Variants in COMMD10 observed in about 807,000 individuals in gnomAD.
The protein encoded by COMMD10 is COMM domain-containing protein 10.
Under a neutral mutation model 28.9 loss-of-function variants are expected in COMMD10, and 33 were observed. That is an observed-to-expected ratio of 1.14 (90% CI 0.87 to 1.53). The LOEUF (loss-of-function observed/expected upper bound fraction) is 1.53, where lower values mean the gene tolerates loss of function less well. Among genes scored for constraint, COMMD10 ranks in the 40% most tolerant of loss-of-function variants. The pLI is 0.00. For synonymous variants in COMMD10, 110 were observed against 81.7 expected (o/e 1.35, Z -1.87); for missense variants, 310 against 233.4 (o/e 1.33, Z -2.14).
intron 4 of COMMD10, among the ~76,000 whole-genome samples, chr5:116,104,083 A>T (rs1035870464): frequency 2.0e-5 from 3 of 152,214 alleles, no homozygotes; most frequent in African/African-American, 7.2e-5. Context: ...AGGTAGCATG[A>T]TGCCTCCAGC....
chr5:116,197,629 C>T (rs930558686), intron 5 of COMMD10, among the ~76,000 whole-genome samples: 1 of 152,044 alleles, frequency 6.6e-6, no homozygotes, highest in African/African-American at 2.4e-5. Context: ...TGATCCATCC[C>T]CCTCGGCCTC....
At chr5:116,171,744 T>C (rs1252449948) in intron 5 of COMMD10, among the ~76,000 whole-genome samples, 5 of 152,076 alleles carry the variant, frequency 3.3e-5, no homozygotes, top group African/African-American at 1.2e-4. Context: ...AACCAAAGAC[T>C]GCATGCTCTC....
intron 5 of COMMD10, among the ~76,000 whole-genome samples, chr5:116,134,646 G>A (rs774069506): frequency 2.6e-5 from 4 of 151,930 alleles, no homozygotes; most frequent in Admixed American, 6.6e-5. Context: ...TTTTTGAGAC[G>A]GTGTCTTGCT....
intron 5 of COMMD10, among the ~76,000 whole-genome samples, chr5:116,246,658 A>G (rs549979707): frequency 1.7e-3 from 263 of 152,284 alleles, no homozygotes; most frequent in African/African-American, 5.9e-3. Context: ...CTAATGGAAC[A>G]GAATAGAGAA....
Position 116,203,229 on chromosome 5 carries a change from A to T in COMMD10, c.510+69051A>T, listed in dbSNP as rs1405848626. 2.0e-5 allele frequency among the ~76,000 whole-genome samples: 3 copies of T among 152,176 alleles called. No individual in the cohort carries two copies. In the South Asian group the frequency reaches 6.2e-4, roughly 32 times the overall value. ...GAAACGCAGAAAACCTCCAAGAAAT[A>T]TGGGACTATGTGAAAAGACCAAATC... On this transcript the variant is annotated intron_variant, in intron 5 of 6. Transcript: ENST00000274458.
chr5:116,087,419 A>T lies in COMMD10; in HGVS notation c.42-78A>T, dbSNP rs1275094680. 4.6e-6 allele frequency: 4 copies of T among 861,268 alleles called. No homozygotes were observed. In the East Asian group the frequency reaches 9.7e-5, roughly 21 times the overall value. 53.4% of individuals were successfully genotyped at this position (861,268 alleles called of 1,614,324 possible). On this transcript the variant is annotated intron_variant, in intron 1 of 6. Transcript: ENST00000274458. ...ATAGCATTCAGAGTTGTTGGAATGA[A>T]AACTTATAGACAACTATAGAAAGTG...
chr5:116,110,822 A>G (rs536117433), intron 4 of COMMD10, among the ~76,000 whole-genome samples: 17 of 148,546 alleles, frequency 1.1e-4, no homozygotes, highest in African/African-American at 4.5e-4. Flanking sequence ...GGTGCTACAC[A>G]CTTTTAAACC....
intron 2 of COMMD10, 56 bp downstream of exon 2, chr5:116,087,643 T>C (rs1750151336): frequency 8.0e-7 from 1 of 1,243,586 alleles, no homozygotes; most frequent in South Asian, 1.2e-5. Context: ...TAATTGAAAG[T>C]CTGATTATTT....
At chr5:116,280,855 C>T (rs1751050463) in intron 5 of COMMD10, among the ~76,000 whole-genome samples, 1 of 151,670 alleles carries the variant, frequency 6.6e-6, no homozygotes, top group Non-Finnish European at 1.5e-5. Context: ...ATAAATGGTG[C>T]CTAATGAGTT....
Position 116,158,970 on chromosome 5 carries a change from C to T in COMMD10, c.510+24792C>T, listed in dbSNP as rs190228616. ...CACAGGGACTAGAGGGTCTAGGTCA[C>T]CATGTTCATTAATGTAGTCCAGGAA... On this transcript the variant is annotated intron_variant, in intron 5 of 6. Coordinates refer to ENST00000274458, the MANE Select transcript of COMMD10 (RefSeq NM_016144.4). Among the ~76,000 whole-genome samples the T allele has an allele frequency of 9.9e-5, 15 of 152,090 alleles. No individual in the cohort carries two copies. The East Asian group carries it at 2.9e-3, about 30-fold the overall frequency.
At chr5:116,244,039 A>T (rs1322349908) in intron 5 of COMMD10, among the ~76,000 whole-genome samples, 1 of 152,168 alleles carries the variant, frequency 6.6e-6, no homozygotes, top group Admixed American at 6.6e-5. Context: ...CTATACACAC[A>T]CACATATTAT....
At chr5:116,282,481 A>G (rs1751097862) in intron 5 of COMMD10, among the ~76,000 whole-genome samples, 1 of 151,898 alleles carries the variant, frequency 6.6e-6, no homozygotes, top group African/African-American at 2.4e-5. Context: ...AAACTCTATA[A>G]TGCTTTTACA....
intron 5 of COMMD10, among the ~76,000 whole-genome samples, chr5:116,248,211 G>C (rs1750010604): frequency 6.6e-6 from 1 of 151,494 alleles, no homozygotes; most frequent in Non-Finnish European, 1.5e-5. Context: ...TTATTAAACA[G>C]TCATCCTTCT....
At chr5:116,194,675 A>G (rs972036726) in intron 5 of COMMD10, among the ~76,000 whole-genome samples, 1 of 152,168 alleles carries the variant, frequency 6.6e-6, no homozygotes, top group Non-Finnish European at 1.5e-5. Flanking sequence ...TGAAATGGTA[A>G]GTTAAAAAAT....
intron 5 of COMMD10, among the ~76,000 whole-genome samples, chr5:116,203,437 G>T (rs1748725301): frequency 1.3e-5 from 2 of 151,936 alleles, no homozygotes; most frequent in African/African-American, 2.4e-5. Flanking sequence ...ACACATAATT[G>T]TCACATTCAC....
At chr5:116,095,241 T>C (rs1750430026) in intron 4 of COMMD10, among the ~76,000 whole-genome samples, 1 of 152,168 alleles carries the variant, frequency 6.6e-6, no homozygotes, top group Non-Finnish European at 1.5e-5. Flanking sequence ...TACCCTGACA[T>C]GATCATTACA....
At chr5:116,239,939 T>C (rs1561387049) in intron 5 of COMMD10, among the ~76,000 whole-genome samples, 1 of 151,746 alleles carries the variant, frequency 6.6e-6, no homozygotes. Context: ...TATTTTTCAC[T>C]CCCCCCCAAG....
intron 5 of COMMD10, among the ~76,000 whole-genome samples, chr5:116,284,344 G>GTA (rs145516669): frequency 0.053 from 8,009 of 150,842 alleles, 865 homozygotes; most frequent in African/African-American, 0.19. Context: ...GTGTATGTAT[G>GTA]TGTGTGTGTG....
intron 4 of COMMD10, among the ~76,000 whole-genome samples, chr5:116,118,117 A>C (rs761411262): frequency 6.6e-6 from 1 of 152,164 alleles, no homozygotes; most frequent in Middle Eastern, 3.2e-3. Context: ...CTTTACTTCA[A>C]AAGTTCTGCT....
Sources: gnomAD v4.1 joint callset for allele counts (sites outside exome capture counted in the v4.1 genomes callset) on GRCh38, gnomAD v4.1.1 for gene constraint, MANE v1.5 for transcripts, NCBI Gene and HGNC (gene_info 2026-07-23, HGNC 2026-07-21) for gene names.